Variants in AKT3 observed in about 807,000 individuals in gnomAD.
The protein encoded by AKT3 is AKT serine/threonine kinase 3.
AKT3 carries 15 observed loss-of-function variants against 65.3 expected under a neutral mutation model. That is an observed-to-expected ratio of 0.23 (90% CI 0.15 to 0.35). AKT3 has a LOEUF of 0.35. Among genes scored for constraint, AKT3 ranks in the 10% least tolerant of loss-of-function variants. AKT3 has a pLI of 1.00. For synonymous variants in AKT3, 206 were observed against 183.8 expected, an observed-to-expected ratio of 1.12 and a Z score of -0.98; for missense variants, 243 against 576.5, an observed-to-expected ratio of 0.42 and a Z score of 5.92.
At chr1:243,849,735 G>A (rs1302429060) in intron 1 of AKT3, among the ~76,000 whole-genome samples, 1 of 151,580 alleles carries the variant, frequency 6.6e-6, no homozygotes, top group Non-Finnish European at 1.5e-5. Context: ...GGTACCGCTA[G>A]GCCGGGAACA....
At chr1:243,691,463 A>G (rs546354470) in intron 3 of AKT3, among the ~76,000 whole-genome samples, 34 of 152,340 alleles carry the variant, frequency 2.2e-4, no homozygotes, top group African/African-American at 7.2e-4. Context: ...TATGAGTGGT[A>G]CAAACTAGAA....
chr1:243,646,019 A>T lies in AKT3; in HGVS notation c.303T>A (p.Ala101=), dbSNP rs773203045. The T allele has an allele frequency of 6.2e-7, 1 of 1,609,654 alleles. No homozygotes were observed. ...GCAGTCTGTCTGCTACAGCCTGGATAGCTTCTGTCCATTCTTCCCTATAAA... is the reference window on the plus strand; with the variant it reads ...GCAGTCTGTCTGCTACAGCCTGGATTGCTTCTGTCCATTCTTCCCTATAAA... ...TPEEREEWTE[A]IQAVADRLQR... is the part of the protein sequence containing the mutation. The change falls in exon 5 of 14, where the codon GCT becomes GCA. Residue 101 remains alanine (A), a synonymous_variant. Transcript: ENST00000673466.
intron 2 of AKT3, among the ~76,000 whole-genome samples, chr1:243,786,871 C>T (rs548037359): frequency 5.9e-5 from 9 of 152,146 alleles, no homozygotes; most frequent in Non-Finnish European, 1.3e-4. Flanking sequence ...ATAAAGTCAG[C>T]TCTGCTACTG....
chr1:243,812,771 A>T (rs1376295222), intron 2 of AKT3, among the ~76,000 whole-genome samples: 3 of 152,182 alleles, frequency 2.0e-5, no homozygotes, highest in African/African-American at 7.2e-5. Context: ...GAACCAACCC[A>T]AATGTCCAAC....
intron 2 of AKT3, among the ~76,000 whole-genome samples, chr1:243,836,839 G>A (rs1186047619): frequency 6.6e-6 from 1 of 151,056 alleles, no homozygotes; most frequent in Non-Finnish European, 1.5e-5. Flanking sequence ...TTGAATCCAG[G>A]AGGCGGAGGT....
intron 4 of AKT3, among the ~76,000 whole-genome samples, chr1:243,649,097 A>T (rs922224722): frequency 6.6e-6 from 1 of 151,958 alleles, no homozygotes; most frequent in African/African-American, 2.4e-5. Flanking sequence ...TATTATTTTC[A>T]TTATTGTTCA....
intron 8 of AKT3, among the ~76,000 whole-genome samples, chr1:243,591,457 T>G: frequency 6.6e-6 from 1 of 152,178 alleles, no homozygotes; most frequent in East Asian, 1.9e-4. Flanking sequence ...AATATATTTT[T>G]TAATCCCCAA....
chr1:243,802,310 A>C (rs961416833), intron 2 of AKT3, among the ~76,000 whole-genome samples: 1 of 152,196 alleles, frequency 6.6e-6, no homozygotes, highest in African/African-American at 2.4e-5. Context: ...GCTACATGAC[A>C]TGGTAGCAAA....
chr1:243,768,973 T>C (rs2345994), intron 2 of AKT3, among the ~76,000 whole-genome samples: 75,998 of 151,944 alleles, frequency 0.5, 23,309 homozygotes, highest in Non-Finnish European at 0.68. Flanking sequence ...GCCCCAAATA[T>C]AAATCCAGAA....
chr1:243,827,876 A>G (rs1434256918), intron 2 of AKT3, among the ~76,000 whole-genome samples: 1 of 152,186 alleles, frequency 6.6e-6, no homozygotes, highest in Non-Finnish European at 1.5e-5. Flanking sequence ...TGAGGAAGAG[A>G]GTACAACATG....
chr1:243,544,877 T>C (rs1193383911), intron 12 of AKT3, among the ~76,000 whole-genome samples: 2 of 151,646 alleles, frequency 1.3e-5, no homozygotes, highest in Admixed American at 6.6e-5. Context: ...TTTTTTTTCT[T>C]GTAGAGATGG....
At chr1:243,610,234 T>C (rs1307619421) in intron 8 of AKT3, among the ~76,000 whole-genome samples, 1 of 152,242 alleles carries the variant, frequency 6.6e-6, no homozygotes, top group Admixed American at 6.5e-5. Flanking sequence ...ATTTTACCCC[T>C]TTTAGCTAAC....
intron 3 of AKT3, among the ~76,000 whole-genome samples, chr1:243,667,600 C>CA (rs1682886864): frequency 6.6e-6 from 1 of 152,286 alleles, no homozygotes; most frequent in Middle Eastern, 3.4e-3. Flanking sequence ...CTGATGATTC[C>CA]AAAAAACTTA....
chr1:243,798,115 C>G (rs1046013255), intron 2 of AKT3, among the ~76,000 whole-genome samples: 2 of 151,408 alleles, frequency 1.3e-5, no homozygotes, highest in African/African-American at 4.8e-5. Flanking sequence ...ATCTCCTGAC[C>G]TCGTGATCCG....
intron 8 of AKT3, among the ~76,000 whole-genome samples, chr1:243,587,677 A>G (rs1675909412): frequency 1.3e-5 from 2 of 152,146 alleles, no homozygotes; most frequent in South Asian, 2.1e-4. Flanking sequence ...ACACAAGGAT[A>G]TTTTCAGAAG....
chr1:243,766,656 T>C (rs894677000), intron 2 of AKT3, among the ~76,000 whole-genome samples: 1 of 152,166 alleles, frequency 6.6e-6, no homozygotes, highest in Non-Finnish European at 1.5e-5. Flanking sequence ...TAAAATATTA[T>C]CTTGATTGTG....
At chr1:243,673,775 C>A (rs529085809) in intron 3 of AKT3, among the ~76,000 whole-genome samples, 2 of 152,092 alleles carry the variant, frequency 1.3e-5, no homozygotes, top group Admixed American at 1.3e-4. Flanking sequence ...CCACTAGGCC[C>A]AGCTAAGTTT....
At chr1:243,674,540 C>T (rs1434095104) in intron 3 of AKT3, among the ~76,000 whole-genome samples, 2 of 152,122 alleles carry the variant, frequency 1.3e-5, no homozygotes, top group African/African-American at 2.4e-5. Flanking sequence ...AATGACACCT[C>T]GTAGAAACGA....
At chr1:243,830,240 TA>T (rs1282210988) in intron 2 of AKT3, among the ~76,000 whole-genome samples, 1 of 152,150 alleles carries the variant, frequency 6.6e-6, no homozygotes, top group African/African-American at 2.4e-5. Context: ...GTAAGTAATT[TA>T]AAGATGATTT....
Sources: gnomAD v4.1 joint callset for allele counts (sites outside exome capture counted in the v4.1 genomes callset) on GRCh38, gnomAD v4.1.1 for gene constraint, MANE v1.5 for transcripts, NCBI Gene and HGNC (gene_info 2026-07-23, HGNC 2026-07-21) for gene names.